PRKG1: variants seen among roughly 807,000 people sequenced by gnomAD.
PRKG1 encodes cGMP-dependent protein kinase 1.
In PRKG1, 35 loss-of-function variants were observed where a neutral mutation model predicts 88.1. The observed-to-expected ratio is 0.40, with a 90% CI of 0.30 to 0.53. PRKG1 has a LOEUF of 0.53. Among genes scored for constraint, PRKG1 ranks in the 20% least tolerant of loss-of-function variants. The pLI, the probability that PRKG1 is intolerant of heterozygous loss-of-function variation, is 0.59. For synonymous variants in PRKG1, 303 were observed against 292.5 expected (o/e 1.04, Z -0.37); for missense variants, 540 against 839.8 (o/e 0.64, Z 4.41).
intron 1 of PRKG1, among the ~76,000 whole-genome samples, chr10:51,017,688 A>G (rs1050565697): frequency 7.2e-5 from 11 of 152,140 alleles, no homozygotes; most frequent in African/African-American, 1.4e-4. Flanking sequence ...ATCTCCTACA[A>G]TCTTTACATT....
chr10:51,872,421 C>T (rs867718819), intron 4 of PRKG1, among the ~76,000 whole-genome samples: 1 of 152,078 alleles, frequency 6.6e-6, no homozygotes, highest in Non-Finnish European at 1.5e-5. Flanking sequence ...TTCTTATTAA[C>T]GTGATGACTA....
At chr10:51,333,819 C>T (rs1841800245) in intron 2 of PRKG1, among the ~76,000 whole-genome samples, 1 of 152,088 alleles carries the variant, frequency 6.6e-6, no homozygotes. Flanking sequence ...TTCAACATAC[C>T]TTTCTCTATT....
intron 3 of PRKG1, among the ~76,000 whole-genome samples, chr10:51,539,082 C>T (rs1000051328): frequency 1.3e-5 from 2 of 152,014 alleles, no homozygotes; most frequent in African/African-American, 4.8e-5. Flanking sequence ...TTTTATCTGT[C>T]TTGGGTTGCT....
chr10:51,717,601 G>A (rs949119929), intron 3 of PRKG1, among the ~76,000 whole-genome samples: 1 of 152,140 alleles, frequency 6.6e-6, no homozygotes, highest in Non-Finnish European at 1.5e-5. Flanking sequence ...GGAGGCTGAG[G>A]TGGGCAGATC....
At chr10:51,172,158 G>A (rs1390665707) in intron 2 of PRKG1, among the ~76,000 whole-genome samples, 2 of 152,098 alleles carry the variant, frequency 1.3e-5, no homozygotes, top group East Asian at 3.9e-4. Context: ...ATGAAATAAT[G>A]AGTCACTTTC....
chr10:51,228,194 T>C (rs992773662), intron 2 of PRKG1, among the ~76,000 whole-genome samples: 2 of 152,196 alleles, frequency 1.3e-5, no homozygotes, highest in Non-Finnish European at 2.9e-5. Context: ...TGTTTAAAGG[T>C]CTGGGATAGA....
intron 2 of PRKG1, among the ~76,000 whole-genome samples, chr10:51,339,296 CA>C (rs1434195830): frequency 6.6e-6 from 1 of 151,912 alleles, no homozygotes; most frequent in African/African-American, 2.4e-5. Context: ...TGATCCATAC[CA>C]GAGGAGAGCT....
chr10:52,125,095 C>T (rs1847901887), intron 7 of PRKG1, among the ~76,000 whole-genome samples: 1 of 152,104 alleles, frequency 6.6e-6, no homozygotes, highest in Non-Finnish European at 1.5e-5. Flanking sequence ...GTAGTAAATA[C>T]TTAAACTAGT....
intron 4 of PRKG1, among the ~76,000 whole-genome samples, chr10:51,840,341 G>C (rs907339506): frequency 6.6e-6 from 1 of 151,250 alleles, no homozygotes; most frequent in Non-Finnish European, 1.5e-5. Context: ...AAGATTTGTT[G>C]TGTTCTTAGA....
In PRKG1 at chr10:51,527,883, C is replaced by T. The variant is rs571665560; in HGVS notation, c.592+60047C>T. ...TAAGTAAATGCAGAGATAGCCAATACTAAAATTCATCTGTAAAGTGATCAT... is the reference window on the plus strand; with the variant it reads ...TAAGTAAATGCAGAGATAGCCAATATTAAAATTCATCTGTAAAGTGATCAT... On this transcript the variant is annotated intron_variant, in intron 3 of 17. Transcript: ENST00000373980. Among the ~76,000 whole-genome samples the T allele has an allele frequency of 7.2e-5, 11 of 152,252 alleles. No homozygotes were observed. The South Asian group carries it at 2.3e-3, about 32-fold the overall frequency.
intron 2 of PRKG1, among the ~76,000 whole-genome samples, chr10:51,370,703 T>A (rs940100540): frequency 1.3e-5 from 2 of 152,154 alleles, no homozygotes; most frequent in African/African-American, 4.8e-5. Flanking sequence ...TTAATTTTAA[T>A]AATATATTTT....
rs142158661 is a variant in PRKG1 at position 52,078,337 on chromosome 10, T to G, written c.935+15706T>G. 6.3e-3 allele frequency among the ~76,000 whole-genome samples: 961 copies of G among 152,354 alleles called. 11 individuals carry two copies. The highest frequency in any genetic ancestry group is 0.01 in the Middle Eastern group (3 of 294). Reference sequence around the variant, plus strand: ...CCACTAATTATTTTTAAAATAATCATTTTTTAAATATATGGGGGAAAGATA... The same window carrying G: ...CCACTAATTATTTTTAAAATAATCAGTTTTTAAATATATGGGGGAAAGATA... On this transcript the variant is annotated intron_variant, in intron 7 of 17. Transcript: ENST00000373980.
intron 3 of PRKG1, among the ~76,000 whole-genome samples, chr10:51,727,146 A>G (rs1183319901): frequency 1.3e-5 from 2 of 151,902 alleles, no homozygotes; most frequent in East Asian, 3.9e-4. Context: ...AATGTCTTTT[A>G]AAGAATTTTT....
At position 51,621,727 on chromosome 10, in the gene PRKG1, T is replaced by C. The variant is rs374626124; in HGVS notation, c.592+153891T>C. Reference sequence around the variant, plus strand: ...TATTTCTGCTCTAGAATATTCTCAATTTAACCTGATGTTTTAAAGGTCCTC... The same window carrying C: ...TATTTCTGCTCTAGAATATTCTCAACTTAACCTGATGTTTTAAAGGTCCTC... On this transcript the variant is annotated intron_variant, in intron 3 of 17. Transcript: ENST00000373980. Among the ~76,000 whole-genome samples, 6 of 152,348 alleles carry C rather than the reference T, an allele frequency of 3.9e-5. No homozygotes were observed. In the East Asian group the frequency reaches 9.6e-4, roughly 24 times the overall value.
intron 2 of PRKG1, among the ~76,000 whole-genome samples, chr10:51,277,951 C>A (rs1840173412): frequency 6.6e-6 from 1 of 152,170 alleles, no homozygotes; most frequent in Non-Finnish European, 1.5e-5. Flanking sequence ...TTCTTTCTTT[C>A]TCCTGCCTGA....
chr10:51,725,736 C>T (rs574894432), intron 3 of PRKG1, among the ~76,000 whole-genome samples: 135 of 151,874 alleles, frequency 8.9e-4, no homozygotes, highest in African/African-American at 3.1e-3. Flanking sequence ...TGGGCTCAAG[C>T]GATCCTCCTG....
At chr10:51,771,189 A>C (rs1408743810) in intron 3 of PRKG1, among the ~76,000 whole-genome samples, 1 of 152,218 alleles carries the variant, frequency 6.6e-6, no homozygotes, top group Non-Finnish European at 1.5e-5. Flanking sequence ...CAACCTAATC[A>C]ATGTATCTAA....
chr10:51,244,260 T>A (rs1369200848), intron 2 of PRKG1, among the ~76,000 whole-genome samples: 1 of 151,882 alleles, frequency 6.6e-6, no homozygotes, highest in Non-Finnish European at 1.5e-5. Flanking sequence ...AAATTGAAAT[T>A]AAGGAAACTA....
chr10:51,338,338 C>T (rs1841926167), intron 2 of PRKG1, among the ~76,000 whole-genome samples: 1 of 152,144 alleles, frequency 6.6e-6, no homozygotes, highest in South Asian at 2.1e-4. Flanking sequence ...TTGATAGGTG[C>T]AGCAAATCAC....
Sources: allele counts gnomAD v4.1 joint callset (sites outside exome capture counted in the v4.1 genomes callset), GRCh38; gene constraint gnomAD v4.1.1; transcripts MANE v1.5; gene names NCBI Gene and HGNC (gene_info 2026-07-23, HGNC 2026-07-21).